Variants in CLCN4 observed in about 807,000 individuals in gnomAD.
CLCN4 encodes Cl-/H+ antiporter 4, also known as H(+)/Cl(-) exchange transporter 4.
In CLCN4, 1 loss-of-function variant was observed where a neutral mutation model predicts 41.7. The ratio of observed to expected loss-of-function variants is 0.02; its 90% confidence interval spans 0.01 to 0.11. The LOEUF is 0.11. Ranked by LOEUF, CLCN4 falls within the 10% of genes least tolerant of loss-of-function variation. CLCN4 has a pLI of 1.00. For synonymous variants in CLCN4, 277 were observed against 285.8 expected, an observed-to-expected ratio of 0.97 and a Z score of 0.31; for missense variants, 287 against 661.0, an observed-to-expected ratio of 0.43 and a Z score of 6.20.
intron 11 of CLCN4, among the ~76,000 whole-genome samples, chrX:10,219,556 G>A (rs1258574072): frequency 2.7e-5 from 3 of 112,520 alleles, no homozygotes; most frequent in Admixed American, 9.4e-5. Flanking sequence ...CAGGCCCTCT[G>A]TTCCTCTTTT....
At chrX:10,162,297 G>A (rs2014673319) in intron 2 of CLCN4, among the ~76,000 whole-genome samples, 1 of 111,457 alleles carries the variant, frequency 9.0e-6, no homozygotes, top group South Asian at 3.8e-4. Flanking sequence ...GGGATTACAG[G>A]CATGAGCCAC....
chrX:10,211,444 C>T (rs1355156382), intron 9 of CLCN4, among the ~76,000 whole-genome samples: 1 of 110,944 alleles, frequency 9.0e-6, no homozygotes, highest in Non-Finnish European at 1.9e-5. Context: ...TTTCATGTCT[C>T]AGGAAGATGC....
intron 2 of CLCN4, among the ~76,000 whole-genome samples, chrX:10,172,161 A>T (rs1192271053): frequency 8.9e-6 from 1 of 112,330 alleles, no homozygotes; most frequent in Non-Finnish European, 1.9e-5. Flanking sequence ...GGTACAAAGC[A>T]CATGCCTTGA....
intron 2 of CLCN4, among the ~76,000 whole-genome samples, chrX:10,161,407 G>T (rs1047510681): frequency 3.6e-5 from 4 of 111,959 alleles, no homozygotes; most frequent in African/African-American, 1.3e-4. Flanking sequence ...GAGCCATCTG[G>T]CCTTGTCTCT....
At chrX:10,173,525 C>G (rs983587182) in intron 2 of CLCN4, among the ~76,000 whole-genome samples, 1 of 111,374 alleles carries the variant, frequency 9.0e-6, no homozygotes, top group African/African-American at 3.3e-5. Flanking sequence ...TTCTCCTTCC[C>G]CAGCCTCCCA....
At position 10,216,897 on chromosome X, in the gene CLCN4, GTA is replaced by G. The variant is rs1555977625; in HGVS notation, c.1975+2839_1975+2840del. Among the ~76,000 whole-genome samples the G allele has an allele frequency of 4.8e-4, 10 of 20,829 alleles. 1 individual carries two copies. The highest frequency in any genetic ancestry group is 0.014 in the South Asian group (2 of 142). The allele number at this position is 20,829 out of a possible 115,157, so 18.1% of individuals were successfully genotyped here. A position where few individuals can be genotyped will look rare whatever the true frequency, so the allele number is the denominator to read the frequency against. On this transcript the variant is annotated intron_variant, in intron 11 of 12. Coordinates refer to ENST00000380833, the MANE Select transcript of CLCN4 (RefSeq NM_001830.4). ...GTTGGGGATGTGTGTGTGTGTGTGT[GTA>G]TATATATATATATATATATACACAC...
At chrX:10,163,685 C>T (rs1185035231) in intron 2 of CLCN4, among the ~76,000 whole-genome samples, 4 of 112,341 alleles carry the variant, frequency 3.6e-5, no homozygotes, top group Non-Finnish European at 5.6e-5. Context: ...GGATTATAGG[C>T]TTGAGCCACT....
intron 12 of CLCN4, among the ~76,000 whole-genome samples, chrX:10,228,514 C>G (rs1472190149): frequency 3.6e-5 from 4 of 111,272 alleles, no homozygotes; most frequent in Non-Finnish European, 1.9e-5. Flanking sequence ...AGATATGTGG[C>G]AGCATCCTTA....
Position 10,186,453 on chromosome X carries a change from G to A in CLCN4, c.145-1062G>A, listed in dbSNP as rs576737575. 2.4e-4 allele frequency among the ~76,000 whole-genome samples: 27 copies of A among 111,609 alleles called. No homozygotes were observed. The South Asian group carries it at 0.01, about 42-fold the overall frequency. On this transcript the variant is annotated intron_variant, in intron 3 of 12. Coordinates refer to ENST00000380833, the MANE Select transcript of CLCN4 (RefSeq NM_001830.4). ...GAGCAGTCCCCTGTGAATGGAAAGG[G>A]TGTTGTGTAGGGGCCTGCTCACAAG...
intron 2 of CLCN4, among the ~76,000 whole-genome samples, chrX:10,164,459 G>A (rs892496735): frequency 2.7e-5 from 3 of 111,672 alleles, no homozygotes; most frequent in Admixed American, 9.4e-5. Flanking sequence ...CTCCTGTGTC[G>A]GGGAGTGACA....
At chrX:10,203,846 A>G (rs770542678) in intron 6 of CLCN4, among the ~76,000 whole-genome samples, 23 of 112,110 alleles carry the variant, frequency 2.1e-4, no homozygotes, top group African/African-American at 7.5e-4. Context: ...GAAACTGATT[A>G]CTTGGCAGAG....
chrX:10,158,621 C>G (rs937405486), intron 2 of CLCN4, 70 bp downstream of exon 2: 2 of 263,338 alleles, frequency 7.6e-6, no homozygotes, highest in Non-Finnish European at 1.3e-5. Flanking sequence ...AGGTGGAGCC[C>G]GGCCCGCGGG....
At chrX:10,225,720 G>A (rs745573959) in intron 12 of CLCN4, among the ~76,000 whole-genome samples, 69 of 111,557 alleles carry the variant, frequency 6.2e-4, no homozygotes, top group Non-Finnish European at 1.1e-3. Flanking sequence ...GCTTTTTATC[G>A]TTTTGGGTTT....
At chrX:10,176,581 C>T (rs772510154) in intron 2 of CLCN4, among the ~76,000 whole-genome samples, 3 of 111,917 alleles carry the variant, frequency 2.7e-5, no homozygotes, top group South Asian at 3.7e-4. Context: ...TCATGAGAGC[C>T]GGAGGTGGTT....
At chrX:10,220,600 TG>T in intron 11 of CLCN4, 60 bp from the exon 12 acceptor site, 1 of 879,086 alleles carries the variant, frequency 1.1e-6, no homozygotes, top group Non-Finnish European at 1.7e-6. Flanking sequence ...GAGTGTGGGG[TG>T]GGGAATTGCT....
At chrX:10,195,176 G>GA (rs1438775283) in intron 5 of CLCN4, 78 bp downstream of exon 5, 3 of 984,481 alleles carry the variant, frequency 3.0e-6, no homozygotes, top group Non-Finnish European at 4.3e-6. Flanking sequence ...GGAGATTTGT[G>GA]AATGTCTGTG....
At chrX:10,193,709 T>C (rs1057200207) in intron 4 of CLCN4, among the ~76,000 whole-genome samples, 2 of 112,324 alleles carry the variant, frequency 1.8e-5, no homozygotes, top group African/African-American at 6.5e-5. Context: ...TCTGCCACTG[T>C]AGCATGAAGG....
chrX:10,225,946 T>C (rs1329842937), intron 12 of CLCN4, among the ~76,000 whole-genome samples: 2 of 111,782 alleles, frequency 1.8e-5, no homozygotes, highest in African/African-American at 6.5e-5. Flanking sequence ...CATTGATCTA[T>C]GTACCAGTAC....
chrX:10,207,428 C>G (rs886255016), intron 8 of CLCN4, among the ~76,000 whole-genome samples: 10 of 112,211 alleles, frequency 8.9e-5, no homozygotes, highest in South Asian at 7.3e-4. Flanking sequence ...CATGCAATTT[C>G]TGTTGTAGCT....
Sources: allele counts gnomAD v4.1 joint callset (sites outside exome capture counted in the v4.1 genomes callset), GRCh38; gene constraint gnomAD v4.1.1; transcripts MANE v1.5; gene names NCBI Gene and HGNC (gene_info 2026-07-23, HGNC 2026-07-21).